RIT2: variants seen among roughly 807,000 people sequenced by gnomAD.
RIT2 encodes GTP-binding protein Rit2.
In RIT2, 24 loss-of-function variants were observed where a neutral mutation model predicts 23.7. That is an observed-to-expected ratio of 1.01 (90% confidence interval 0.73 to 1.43). The LOEUF is 1.43. Among genes scored for constraint, RIT2 ranks in the 40% most tolerant of loss-of-function variants. RIT2 has a pLI of 0.00. For missense variants in RIT2, 236 were observed against 266.9 expected (o/e 0.88, Z 0.81); for synonymous variants, 107 against 91.1 (o/e 1.17, Z -0.99).
chr18:43,094,849 T>C (rs943008005), intron 1 of RIT2, among the ~76,000 whole-genome samples: 3 of 151,954 alleles, frequency 2.0e-5, no homozygotes, highest in African/African-American at 7.2e-5. Context: ...CTGAGAATGA[T>C]GGTTTCCAGC....
intron 4 of RIT2, among the ~76,000 whole-genome samples, chr18:42,876,588 T>C (rs1420738800): frequency 6.6e-6 from 1 of 151,900 alleles, no homozygotes; most frequent in African/African-American, 2.4e-5. Flanking sequence ...ATAACATTAT[T>C]ACTGAAATTG....
chr18:42,783,939 A>G (rs562922192), intron 4 of RIT2, among the ~76,000 whole-genome samples: 35 of 152,208 alleles, frequency 2.3e-4, no homozygotes, highest in East Asian at 1.7e-3. Context: ...CTTGTTTCTG[A>G]AACCTTCAAT....
At chr18:42,938,651 T>C (rs79581322) in intron 3 of RIT2, among the ~76,000 whole-genome samples, 1 of 152,312 alleles carries the variant, frequency 6.6e-6, no homozygotes, top group African/African-American at 2.4e-5. Context: ...ATGGAAAATA[T>C]TCTATTTACA....
chr18:42,859,682 A>G (rs1907275626), intron 4 of RIT2, among the ~76,000 whole-genome samples: 2 of 152,068 alleles, frequency 1.3e-5, no homozygotes, highest in South Asian at 4.1e-4. Flanking sequence ...GAATTTTACA[A>G]TTTTACCTTC....
At position 42,977,972 on chromosome 18, in the gene RIT2, T is replaced by C. The variant is rs533442322; in HGVS notation, c.161-3825A>G. ...AGAAATCTTGTGGAATCACTTGCAA[T>C]TTATTTGAAGATGCATGGGGTTGTT... On this transcript the variant is annotated intron_variant, in intron 2 of 4. Coordinates refer to ENST00000326695, the MANE Select transcript of RIT2 (RefSeq NM_002930.4). Among the ~76,000 whole-genome samples the C allele has an allele frequency of 1.7e-4, 26 of 151,870 alleles. No homozygotes were observed. In the South Asian group the frequency reaches 5.2e-3, roughly 30 times the overall value.
chr18:42,934,321 A>C (rs1372877944), intron 3 of RIT2, among the ~76,000 whole-genome samples: 1 of 152,186 alleles, frequency 6.6e-6, no homozygotes. Flanking sequence ...TCATCATATC[A>C]GTTTGGTAAT....
intron 1 of RIT2, among the ~76,000 whole-genome samples, chr18:43,113,634 T>C (rs769861192): frequency 1.3e-5 from 2 of 152,076 alleles, no homozygotes; most frequent in Non-Finnish European, 2.9e-5. Flanking sequence ...ATCAGCAATA[T>C]CACAAGAAAA....
chr18:42,844,527 C>A (rs1480507442), intron 4 of RIT2, among the ~76,000 whole-genome samples: 1 of 152,028 alleles, frequency 6.6e-6, no homozygotes, highest in African/African-American at 2.4e-5. Context: ...CTGGCCAGGT[C>A]CTTCATGAAG....
chr18:42,792,661 G>A (rs529333102), intron 4 of RIT2, among the ~76,000 whole-genome samples: 5 of 152,092 alleles, frequency 3.3e-5, no homozygotes, highest in South Asian at 2.1e-4. Flanking sequence ...TAGATTGCAC[G>A]GTGTGTCGAA....
chr18:42,934,386 T>C (rs1405880287), intron 3 of RIT2, among the ~76,000 whole-genome samples: 1 of 152,204 alleles, frequency 6.6e-6, no homozygotes, highest in African/African-American at 2.4e-5. Context: ...AAATTGCATA[T>C]TCAACTACAT....
intron 1 of RIT2, 126 bp downstream of exon 1, chr18:43,115,291 C>A (rs1187398075): frequency 2.5e-6 from 3 of 1,215,456 alleles, no homozygotes; most frequent in East Asian, 5.0e-5. Flanking sequence ...TCCTGCCAGA[C>A]CCATACTCTG....
Position 43,019,170 on chromosome 18 carries a change from C to T in RIT2, c.160+14641G>A, listed in dbSNP as rs182083101. ...GAAACTTACTTCACTAGTAAATACA[C>T]ATACAGACCGAAAATAAAGGGATAG... On this transcript the variant is annotated intron_variant, in intron 2 of 4. Transcript: ENST00000326695. Among the ~76,000 whole-genome samples the T allele has an allele frequency of 4.0e-5, 6 of 151,760 alleles. No individual in the cohort carries two copies. In the East Asian group the frequency reaches 1.2e-3, roughly 30 times the overall value.
chr18:42,869,275 T>C (rs968702321), intron 4 of RIT2, among the ~76,000 whole-genome samples: 1 of 152,156 alleles, frequency 6.6e-6, no homozygotes, highest in Non-Finnish European at 1.5e-5. Context: ...CAGTTCACCA[T>C]AGGGTTCGTG....
chr18:42,904,852 C>T (rs1908569065), intron 4 of RIT2, among the ~76,000 whole-genome samples: 1 of 151,912 alleles, frequency 6.6e-6, no homozygotes. Flanking sequence ...AAAAATTGTC[C>T]CACCTAAGTG....
chr18:42,930,564 A>G (rs991688724), intron 3 of RIT2, among the ~76,000 whole-genome samples: 10 of 152,104 alleles, frequency 6.6e-5, no homozygotes, highest in African/African-American at 2.2e-4. Flanking sequence ...AAATTAAATT[A>G]AATTAAATAT....
At chr18:42,863,850 G>C (rs17641662) in intron 4 of RIT2, among the ~76,000 whole-genome samples, 3 of 152,206 alleles carry the variant, frequency 2.0e-5, no homozygotes, top group African/African-American at 7.2e-5. Context: ...TCAGCAAAGG[G>C]TGTGTATTTC....
chr18:42,774,351 A>C (rs1913618318), intron 4 of RIT2, among the ~76,000 whole-genome samples: 1 of 152,154 alleles, frequency 6.6e-6, no homozygotes, highest in East Asian at 1.9e-4. Context: ...TACAGGGGGA[A>C]AGTGTCTAAG....
chr18:42,907,867 G>T (rs190930955), intron 4 of RIT2, among the ~76,000 whole-genome samples: 272 of 152,056 alleles, frequency 1.8e-3, no homozygotes, highest in African/African-American at 5.9e-3. Context: ...TGTAGTCCCA[G>T]CTACTTGGGA....
At chr18:42,945,509 T>C (rs1909707912) in intron 3 of RIT2, among the ~76,000 whole-genome samples, 1 of 152,154 alleles carries the variant, frequency 6.6e-6, no homozygotes, top group African/African-American at 2.4e-5. Flanking sequence ...CAAGAATGTG[T>C]GCGAATTTGG....
Sources: allele counts gnomAD v4.1 joint callset (sites outside exome capture counted in the v4.1 genomes callset), GRCh38; gene constraint gnomAD v4.1.1; transcripts MANE v1.5; gene names NCBI Gene and HGNC (gene_info 2026-07-23, HGNC 2026-07-21).